The following PON3 variants were observed in gnomAD, a reference collection of about 807,000 sequenced individuals.
PON3 encodes serum paraoxonase/lactonase 3.
Under a neutral mutation model 36.3 loss-of-function variants are expected in PON3, and 37 were observed. That is an observed-to-expected ratio of 1.02 (90% CI 0.78 to 1.34). The LOEUF (loss-of-function observed/expected upper bound fraction) is 1.34, where lower values mean the gene tolerates loss of function less well. Ranked by LOEUF, PON3 falls within the 40% of genes most tolerant of loss-of-function variation. PON3 has a pLI of 0.00. For synonymous variants in PON3, 155 were observed against 154.8 expected, an observed-to-expected ratio of 1.00 and a Z score of -0.01; for missense variants, 415 against 426.5, an observed-to-expected ratio of 0.97 and a Z score of 0.24.
chr7:95,383,192 G>T (rs1277874153), intron 3 of PON3, among the ~76,000 whole-genome samples: 1 of 152,116 alleles, frequency 6.6e-6, no homozygotes, highest in African/African-American at 2.4e-5. Flanking sequence ...AGGTATTGAT[G>T]GGACATATCT....
intron 5 of PON3, chr7:95,364,622 GGAT>G (rs1200304526): frequency 5.9e-6 from 1 of 169,948 alleles, no homozygotes; most frequent in African/African-American, 2.4e-5. Context: ...CCCTTAATGA[GGAT>G]AATATGAAAC....
At position 95,366,346 on chromosome 7, in the gene PON3, C is replaced by T. The variant is rs143139471; in HGVS notation, c.494+1016G>A. The stretch of plus-strand genomic sequence containing the variant: ...GCAACCCTGTGGAAGTCCTGTTCTC[C>T]GCTATGGCCTCAGAACCCCATACGG... On this transcript the variant is annotated intron_variant, in intron 5 of 8. Transcript: ENST00000265627. 2.8e-3 allele frequency among the ~76,000 whole-genome samples: 421 copies of T among 152,268 alleles called. 19 individuals are homozygous for T. In the South Asian group the frequency reaches 0.068, roughly 25 times the overall value.
chr7:95,396,122 G>T (rs113232859), intron 1 of PON3, 155 bp downstream of exon 1: 94 of 788,222 alleles, frequency 1.2e-4, no homozygotes, highest in Admixed American at 1.5e-4. Context: ...CCCCATAAGC[G>T]AGTCTCAAGG....
At chr7:95,379,775 G>A (rs1193910577) in intron 3 of PON3, among the ~76,000 whole-genome samples, 1 of 152,210 alleles carries the variant, frequency 6.6e-6, no homozygotes, top group East Asian at 1.9e-4. Flanking sequence ...CCACCTCTGG[G>A]GGCAGGGCAT....
chr7:95,359,960 T>TTTA lies in PON3; in HGVS notation c.*12_*13insTAA. The TTTA allele has an allele frequency of 1.3e-6, 2 of 1,585,422 alleles. No individual in the cohort carries two copies. Among genetic ancestry groups the TTTA allele is most frequent in the Non-Finnish European group, 1.7e-6 (2 of 1,164,028 alleles). ...TATGTAGACTTTTTTTTTTTTTTTT[T>TTTA]ACTATCTAGAGTCTAGAGCTCACAG... On this transcript the variant is annotated 3_prime_UTR_variant, in exon 9 of 9. Transcript: ENST00000265627.
intron 3 of PON3, among the ~76,000 whole-genome samples, chr7:95,380,784 TA>T (rs1309927515): frequency 2.6e-5 from 4 of 152,214 alleles, no homozygotes; most frequent in African/African-American, 9.6e-5. Context: ...CTCTGCAGGA[TA>T]TTATCCAGGA....
intron 5 of PON3, among the ~76,000 whole-genome samples, chr7:95,366,708 C>T (rs1808702389): frequency 6.6e-6 from 1 of 152,220 alleles, no homozygotes; most frequent in African/African-American, 2.4e-5. Flanking sequence ...GCTTTGAATT[C>T]AGATGGATCT....
chr7:95,378,281 G>A (rs1209510176), intron 3 of PON3, among the ~76,000 whole-genome samples: 3 of 152,210 alleles, frequency 2.0e-5, no homozygotes, highest in South Asian at 2.1e-4. Context: ...CGTTTGATTG[G>A]TGTACCAGAA....
At chr7:95,384,816 C>T (rs1451625183) in intron 3 of PON3, among the ~76,000 whole-genome samples, 4 of 152,044 alleles carry the variant, frequency 2.6e-5, no homozygotes, top group Admixed American at 2.0e-4. Context: ...AGAACTAGAA[C>T]TAGAAATACC....
At chr7:95,387,622 A>G (rs528065486) in intron 3 of PON3, among the ~76,000 whole-genome samples, 4 of 152,298 alleles carry the variant, frequency 2.6e-5, no homozygotes, top group South Asian at 2.1e-4. Flanking sequence ...ACAGAATTGG[A>G]AAAAACTACT....
intron 6 of PON3, among the ~76,000 whole-genome samples, chr7:95,363,099 G>C (rs750271543): frequency 2.7e-5 from 4 of 150,584 alleles, no homozygotes; most frequent in African/African-American, 9.7e-5. Context: ...TTATTACTTC[G>C]AAGTCACAAC....
rs1194841330 is a variant in PON3, at chr7:95,375,193, C to A, written c.202-2855G>T. ...TCCCCATAACCAATTTGTCACCAAG[C>A]TCAATGGCTCAGATAATAGTAGTAC... On this transcript the variant is annotated intron_variant, in intron 3 of 8. Transcript: ENST00000265627. Among the ~76,000 whole-genome samples the A allele has an allele frequency of 2.6e-5, 4 of 151,698 alleles. No individual in the cohort carries two copies. The East Asian group carries it at 7.7e-4, about 29-fold the overall frequency.
chr7:95,381,492 A>G (rs931216051), intron 3 of PON3, among the ~76,000 whole-genome samples: 1 of 152,222 alleles, frequency 6.6e-6, no homozygotes, highest in Non-Finnish European at 1.5e-5. Context: ...GGCTCAAAAT[A>G]AAGGGACAGA....
intron 5 of PON3, chr7:95,365,401 AC>A (rs1361676379): frequency 6.6e-6 from 1 of 152,282 alleles, no homozygotes; most frequent in African/African-American, 2.4e-5. Context: ...ATGCACAACA[AC>A]CAAGAATGTG....
intron 3 of PON3, among the ~76,000 whole-genome samples, chr7:95,379,650 T>A (rs1035952775): frequency 6.6e-6 from 1 of 152,030 alleles, no homozygotes; most frequent in Non-Finnish European, 1.5e-5. Context: ...GCAGCGAGGC[T>A]GGGGGAGGGG....
At chr7:95,365,371 C>T (rs1371932104) in intron 5 of PON3, 1 of 152,220 alleles carries the variant, frequency 6.6e-6, no homozygotes, top group Non-Finnish European at 1.5e-5. Context: ...TCATAGGATA[C>T]CACAAAACTA....
intron 3 of PON3, among the ~76,000 whole-genome samples, chr7:95,375,390 T>A (rs1808895142): frequency 6.6e-6 from 1 of 150,520 alleles, no homozygotes; most frequent in Non-Finnish European, 1.5e-5. Context: ...AATAATTATA[T>A]ACATATAAAT....
chr7:95,370,098 A>T (rs1021534323), intron 4 of PON3, among the ~76,000 whole-genome samples: 1 of 152,216 alleles, frequency 6.6e-6, no homozygotes, highest in African/African-American at 2.4e-5. Flanking sequence ...GCCAGAAGGT[A>T]CAGGGGAAGC....
chr7:95,380,863 T>C (rs1371194919), intron 3 of PON3, among the ~76,000 whole-genome samples: 2 of 152,122 alleles, frequency 1.3e-5, no homozygotes, highest in African/African-American at 4.8e-5. Flanking sequence ...GCCACAAAGA[T>C]ATTCCTCGAG....
Sources: gnomAD v4.1 joint callset for allele counts (sites outside exome capture counted in the v4.1 genomes callset) on GRCh38, gnomAD v4.1.1 for gene constraint, MANE v1.5 for transcripts, NCBI Gene and HGNC (gene_info 2026-07-23, HGNC 2026-07-21) for gene names.